The following SLC39A8 variants were observed in gnomAD, a reference collection of about 807,000 sequenced individuals.
SLC39A8 encodes metal cation symporter ZIP8.
In SLC39A8, 15 loss-of-function variants were observed where a neutral mutation model predicts 40.4. The observed-to-expected ratio is 0.37, with a 90% CI of 0.25 to 0.57. The LOEUF (loss-of-function observed/expected upper bound fraction) is 0.57, where lower values mean the gene tolerates loss of function less well. SLC39A8 is among the 20% of genes least tolerant of loss of function. SLC39A8 has a pLI of 0.75. For synonymous variants in SLC39A8, 223 were observed against 221.6 expected, an observed-to-expected ratio of 1.01 and a Z score of -0.06; for missense variants, 472 against 558.8, an observed-to-expected ratio of 0.84 and a Z score of 1.57.
At chr4:102,335,219 G>T (rs1359485158) in intron 2 of SLC39A8, among the ~76,000 whole-genome samples, 2 of 152,138 alleles carry the variant, frequency 1.3e-5, no homozygotes, top group Non-Finnish European at 2.9e-5. Context: ...ATCATAGCAT[G>T]CATCTCTTAA....
rs1736111220 is a variant in SLC39A8 at position 102,344,928 on chromosome 4, G to A, written c.-253-13C>T. The A allele has an allele frequency of 2.4e-6, 3 of 1,245,696 alleles. No homozygotes were observed. Among genetic ancestry groups the A allele is most frequent in the Admixed American group, 4.4e-5 (1 of 22,724 alleles). The allele number at this position is 1,245,696 out of a possible 1,614,324, so 77.2% of individuals were successfully genotyped here. On this transcript the variant is annotated splice_polypyrimidine_tract_variant and intron_variant, in intron 1 of 8. Transcript: ENST00000356736. ...CCTCCTGGAGAGCCTGAGATAAAGA[G>A]GACAAAGGGGGACAGAGATAAAGGC...
intron 6 of SLC39A8, among the ~76,000 whole-genome samples, chr4:102,301,681 T>G (rs1331905175): frequency 2.0e-5 from 3 of 152,026 alleles, no homozygotes; most frequent in African/African-American, 7.2e-5. Context: ...ATTTCAAAAT[T>G]ATGTAAAACA....
At chr4:102,276,021 C>A (rs1361742336) in intron 6 of SLC39A8, among the ~76,000 whole-genome samples, 14 of 152,160 alleles carry the variant, frequency 9.2e-5, no homozygotes, top group African/African-American at 3.1e-4. Context: ...TAAATATCCA[C>A]AGGAGAAAGT....
chr4:102,308,964 C>T (rs1734309154), intron 3 of SLC39A8, among the ~76,000 whole-genome samples: 1 of 152,064 alleles, frequency 6.6e-6, no homozygotes, highest in Non-Finnish European at 1.5e-5. Context: ...GATTTTGAAC[C>T]TGGACAGTCT....
chr4:102,271,492 C>T (rs1732362208), intron 6 of SLC39A8, among the ~76,000 whole-genome samples: 1 of 152,162 alleles, frequency 6.6e-6, no homozygotes, highest in African/African-American at 2.4e-5. Flanking sequence ...ATTCTCTTCT[C>T]CTACCAGGGG....
intron 11 of SLC39A8, among the ~76,000 whole-genome samples, chr4:102,254,515 A>G (rs1458352391): frequency 6.6e-6 from 1 of 152,246 alleles, no homozygotes; most frequent in East Asian, 1.9e-4. Context: ...AAAGTGAAAT[A>G]TAATTATTTC....
intron 2 of SLC39A8, among the ~76,000 whole-genome samples, chr4:102,336,306 T>C (rs1008334989): frequency 9.2e-5 from 14 of 152,316 alleles, no homozygotes; most frequent in African/African-American, 3.4e-4. Context: ...AGAGGGTAAG[T>C]CACTTGGCTG....
At chr4:102,281,262 A>T (rs1438367799) in intron 6 of SLC39A8, among the ~76,000 whole-genome samples, 1 of 152,208 alleles carries the variant, frequency 6.6e-6, no homozygotes, top group Non-Finnish European at 1.5e-5. Flanking sequence ...TAGGATCCTT[A>T]AAAGTAGTGT....
At chr4:102,293,516 G>T (rs143216494) in intron 6 of SLC39A8, among the ~76,000 whole-genome samples, 39 of 152,120 alleles carry the variant, frequency 2.6e-4, no homozygotes, top group African/African-American at 8.4e-4. Context: ...GGAGAATTCA[G>T]CACTACTGCA....
At chr4:102,337,955 A>G (rs1313179459) in intron 2 of SLC39A8, among the ~76,000 whole-genome samples, 1 of 152,196 alleles carries the variant, frequency 6.6e-6, no homozygotes, top group Non-Finnish European at 1.5e-5. Flanking sequence ...GAGTTCAATC[A>G]ATAAATTTTT....
At chr4:102,285,747 G>T (rs577887575) in intron 6 of SLC39A8, among the ~76,000 whole-genome samples, 5 of 152,024 alleles carry the variant, frequency 3.3e-5, no homozygotes, top group African/African-American at 1.2e-4. Context: ...TCATTTACAG[G>T]ATGCATTAGC....
Position 102,344,429 on chromosome 4 carries a change from A to T in SLC39A8, c.219+15T>A. 1 of 1,506,144 alleles carries T rather than the reference A, an allele frequency of 6.6e-7. No homozygotes were observed. The highest frequency in any genetic ancestry group is 1.3e-5 in the South Asian group (1 of 77,998). The allele number at this position is 1,506,144 out of a possible 1,614,324, so 93.3% of individuals were successfully genotyped here. On this transcript the variant is annotated intron_variant, in intron 2 of 8. Coordinates refer to ENST00000356736, the MANE Select transcript of SLC39A8 (RefSeq NM_001135146.2). ...ACCCACAGTACGGAGGGCTGCCCGGACCTGGCGGCCTTACCTGGTTGAAGT... is the reference window on the plus strand; with the variant it reads ...ACCCACAGTACGGAGGGCTGCCCGGTCCTGGCGGCCTTACCTGGTTGAAGT...
Position 102,315,846 on chromosome 4 carries a change from C to CAAAAAAAAAAAAAAA in SLC39A8, c.220-17_220-16insTTTTTTTTTTTTTTT. 7.3e-7 allele frequency: 1 copy of CAAAAAAAAAAAAAAA among 1,378,336 alleles called. No homozygotes were observed. The highest frequency in any genetic ancestry group is 9.8e-7 in the Non-Finnish European group (1 of 1,023,476). The allele number at this position is 1,378,336 out of a possible 1,614,324, so 85.4% of individuals were successfully genotyped here. ...CAGTTAAACACTGAAATAGAATAAACAAAAAAAAAATGTGATAATAATGTG... is the reference window on the plus strand; with the variant it reads ...CAGTTAAACACTGAAATAGAATAAACAAAAAAAAAAAAAAAAAAAAAAAAATGTGATAATAATGTG... On this transcript the variant is annotated splice_polypyrimidine_tract_variant and intron_variant, in intron 2 of 8. Coordinates refer to ENST00000356736, the MANE Select transcript of SLC39A8 (RefSeq NM_001135146.2).
chr4:102,264,173 T>C (rs543196278), intron 8 of SLC39A8, among the ~76,000 whole-genome samples: 1 of 152,302 alleles, frequency 6.6e-6, no homozygotes, highest in Admixed American at 6.5e-5. Flanking sequence ...CTACAGCAAC[T>C]AGAGACTTAC....
intron 2 of SLC39A8, among the ~76,000 whole-genome samples, chr4:102,319,640 T>TACA (rs1317682266): frequency 1.3e-5 from 2 of 152,066 alleles, no homozygotes; most frequent in African/African-American, 2.4e-5. Context: ...CTCCTACCCC[T>TACA]GCTCCTCCTT....
At chr4:102,300,106 T>C (rs568421440) in intron 6 of SLC39A8, among the ~76,000 whole-genome samples, 3 of 152,150 alleles carry the variant, frequency 2.0e-5, no homozygotes, top group African/African-American at 7.2e-5. Context: ...TTTACCCCTC[T>C]GTGACCCCCA....
intron 5 of SLC39A8, 157 bp from the exon 6 acceptor site, chr4:102,304,638 T>G: frequency 3.2e-6 from 2 of 625,944 alleles, no homozygotes; most frequent in Non-Finnish European, 5.2e-6. Context: ...TTTCTCTTTT[T>G]TACATGTATT....
intron 2 of SLC39A8, among the ~76,000 whole-genome samples, chr4:102,325,311 C>T (rs1420706062): frequency 2.0e-5 from 3 of 152,054 alleles, no homozygotes; most frequent in Non-Finnish European, 4.4e-5. Flanking sequence ...TTAATTTTTC[C>T]ATTTTTCCTC....
At chr4:102,329,992 A>C (rs1735381242) in intron 2 of SLC39A8, among the ~76,000 whole-genome samples, 1 of 152,200 alleles carries the variant, frequency 6.6e-6, no homozygotes, top group Admixed American at 6.5e-5. Context: ...GACACAACAT[A>C]CCAGAATCTC....
Sources: gnomAD v4.1 joint callset for allele counts (sites outside exome capture counted in the v4.1 genomes callset) on GRCh38, gnomAD v4.1.1 for gene constraint, MANE v1.5 for transcripts, NCBI Gene and HGNC (gene_info 2026-07-23, HGNC 2026-07-21) for gene names.